Variants in NDUFV1 observed in about 807,000 individuals in gnomAD.
NDUFV1 encodes the protein NADH dehydrogenase [ubiquinone] flavoprotein 1, mitochondrial.
Under a neutral mutation model 48.7 loss-of-function variants are expected in NDUFV1, and 41 were observed. The ratio of observed to expected loss-of-function variants is 0.84; its 90% confidence interval spans 0.66 to 1.09. The LOEUF is 1.09. Among genes scored for constraint, NDUFV1 ranks in the 50% least tolerant of loss-of-function variants. The pLI is 0.00. For missense variants in NDUFV1, 580 were observed against 645.4 expected, an observed-to-expected ratio of 0.90 and a Z score of 1.10; for synonymous variants, 231 against 259.1, an observed-to-expected ratio of 0.89 and a Z score of 1.04.
rs1237891453 is a variant in NDUFV1 at position 67,611,112 on chromosome 11, C to T, written c.818C>T (p.Thr273Ile). Reference sequence around the variant, plus strand: ...TTTGGCAGAGAACGCAACTCAGGCACCAAACTATTCAACATCTCTGGCCAT... The same window carrying T: ...TTTGGCAGAGAACGCAACTCAGGCATCAAACTATTCAACATCTCTGGCCAT... ...AGFGRERNSG[T>I]KLFNISGHVN... The change falls in exon 6 of 10, where the codon ACC becomes ATC. Residue 273 changes from threonine (T) to isoleucine (I), a missense_variant. Coordinates refer to ENST00000322776, the MANE Select transcript of NDUFV1 (RefSeq NM_007103.4). The surrounding 1 kb of genome is among the most constrained non-coding windows in gnomAD (Gnocchi z 4.2). The T allele has an allele frequency of 1.9e-6, 3 of 1,614,230 alleles. No homozygotes were observed. The East Asian group carries it at 6.7e-5, about 36-fold the overall frequency.
chr11:67,612,287 A>G lies in NDUFV1; in HGVS notation c.1308+22A>G, dbSNP rs755304891. On this transcript the variant is annotated intron_variant, in intron 9 of 9. Coordinates refer to ENST00000322776, the MANE Select transcript of NDUFV1 (RefSeq NM_007103.4). This position sits in a 1 kb window ranked among gnomAD's most constrained non-coding sequence, Gnocchi z 4.4. ...GCAGGTATTCACCACCCTTCTGCGT[A>G]GCACGGAGGGTGGGTGGCATCAAGG... The G allele has an allele frequency of 8.7e-6, 14 of 1,613,914 alleles. No individual in the cohort carries two copies. In the East Asian group the frequency reaches 2.9e-4, roughly 33 times the overall value.
chr11:67,607,446 A>G (rs888217760), intron 1 of NDUFV1: 1 of 493,830 alleles, frequency 2.0e-6, no homozygotes, highest in Non-Finnish European at 4.0e-6. Context: ...TGCGCCCTGA[A>G]GTGGCTGAAA....
At position 67,609,557 on chromosome 11, in the gene NDUFV1, G is replaced by A. The variant is rs144087607; in HGVS notation, c.432G>A (p.Val144=). Reference sequence around the variant, plus strand: ...ACAAGCTGCTGGAAGGCTGCCTGGTGGGGGGCCGGGCCATGGGCGCCCGCG... The same window carrying A: ...ACAAGCTGCTGGAAGGCTGCCTGGTAGGGGGCCGGGCCATGGGCGCCCGCG... The part of the protein sequence containing the change: ...DPHKLLEGCL[V]GGRAMGARAA... The change falls in exon 4 of 10, where the codon GTG becomes GTA. Residue 144 remains valine, a synonymous_variant. Transcript: ENST00000322776. The A allele has an allele frequency of 4.7e-5, 75 of 1,612,824 alleles. No individual in the cohort carries two copies. In the African/African-American group the frequency reaches 8.0e-4, roughly 17 times the overall value.
intron 3 of NDUFV1, 36 bp from the exon 4 acceptor site, chr11:67,609,416 G>T: frequency 6.2e-7 from 1 of 1,608,994 alleles, no homozygotes; most frequent in Non-Finnish European, 8.5e-7. Context: ...CAGTCCTGAT[G>T]GCCCTGTAGC....
intron 1 of NDUFV1, 193 bp from the exon 2 acceptor site, chr11:67,608,203 G>A (rs1279526269): frequency 1.6e-6 from 1 of 615,496 alleles, no homozygotes; most frequent in African/African-American, 2.0e-5. Flanking sequence ...TCCAGCCTAG[G>A]CAAAAGAGCA....
In NDUFV1 at chr11:67,611,831, C is replaced by T. The variant is rs528656042; in HGVS notation, c.1081-66C>T. 1.9e-6 allele frequency: 3 copies of T among 1,582,462 alleles called. No individual in the cohort carries two copies. In the African/African-American group the frequency reaches 4.0e-5, roughly 21 times the overall value. The stretch of plus-strand genomic sequence containing the variant: ...TCTGGAACTGGGGGAGGGGCTGCTG[C>T]TAGGGGGCTGAGGCCCAGGCTTCTG... On this transcript the variant is annotated intron_variant, in intron 7 of 9. Coordinates refer to ENST00000322776, the MANE Select transcript of NDUFV1 (RefSeq NM_007103.4). The surrounding 1 kb of genome is among the most constrained non-coding windows in gnomAD (Gnocchi z 4.2).
intron 3 of NDUFV1, 113 bp from the exon 4 acceptor site, chr11:67,609,339 T>C: frequency 9.1e-7 from 1 of 1,096,458 alleles, no homozygotes; most frequent in East Asian, 2.4e-5. Context: ...CAGTAAAGGA[T>C]TGGCTGTCAG....
rs375166494 is a variant in NDUFV1, at chr11:67,611,206, T to C, written c.912T>C (p.Ala304=). ...TGAAAGAACTGATTGAGAAGCATGC[T>C]GGTAAGGCCTGGGGCCAGCCAGGTG... is the stretch of plus-strand genomic sequence containing the variant. The part of the protein sequence containing the change: ...VPLKELIEKH[A]GGVTGGWDNL... Residue 304 remains alanine (A), a splice_region_variant and synonymous_variant, in exon 6 of 10, where the codon GCT becomes GCC. Coordinates refer to ENST00000322776, the MANE Select transcript of NDUFV1 (RefSeq NM_007103.4). The surrounding 1 kb of genome is among the most constrained non-coding windows in gnomAD (Gnocchi z 4.2). 9.7e-5 allele frequency: 151 copies of C among 1,556,416 alleles called. 1 individual carries two copies. Among genetic ancestry groups the C allele is most frequent in the Non-Finnish European group, 1.3e-4 (143 of 1,143,392 alleles).
At chr11:67,610,945 A>G (rs1854901865) in intron 5 of NDUFV1, 50 bp from the exon 6 acceptor site, 1 of 1,583,504 alleles carries the variant, frequency 6.3e-7, no homozygotes, top group Non-Finnish European at 8.7e-7. Context: ...CTGCCAGGAA[A>G]CTTGCCCCAC....
chr11:67,608,304 C>T (rs1249601355), intron 1 of NDUFV1, 92 bp from the exon 2 acceptor site: 4 of 1,241,780 alleles, frequency 3.2e-6, no homozygotes, highest in African/African-American at 1.5e-5. Flanking sequence ...CCCAGCCCCT[C>T]CTAAATAGGG....
Position 67,611,169 on chromosome 11 carries a change from T to C in NDUFV1, c.875T>C (p.Met292Thr). 3 of 1,614,086 alleles carry C rather than the reference T, an allele frequency of 1.9e-6. No individual in the cohort carries two copies. Among genetic ancestry groups the C allele is most frequent in the Admixed American group, 1.7e-5 (1 of 60,030 alleles). ...VNHPCTVEEE[M>T]SVPLKELIEK... ...CACCCTTGCACTGTGGAGGAGGAGA[T>C]GTCTGTGCCCTTGAAAGAACTGATT... is the stretch of plus-strand genomic sequence containing the variant. The change falls in exon 6 of 10, where the codon ATG becomes ACG. Residue 292 changes from methionine to threonine, a missense_variant. Transcript: ENST00000322776. This position sits in a 1 kb window ranked among gnomAD's most constrained non-coding sequence, Gnocchi z 4.2.
At position 67,611,814 on chromosome 11, in the gene NDUFV1, T is replaced by C; in HGVS notation, c.1081-83T>C. On this transcript the variant is annotated intron_variant, in intron 7 of 9. Coordinates refer to ENST00000322776, the MANE Select transcript of NDUFV1 (RefSeq NM_007103.4). This position sits in a 1 kb window ranked among gnomAD's most constrained non-coding sequence, Gnocchi z 4.2. ...GTGGGCTGGGAAGAGCTTCTGGAAC[T>C]GGGGGAGGGGCTGCTGCTAGGGGGC... is the stretch of plus-strand genomic sequence containing the variant. 1.3e-6 allele frequency: 2 copies of C among 1,551,562 alleles called. No individual in the cohort carries two copies. Among genetic ancestry groups the C allele is most frequent in the Non-Finnish European group, 1.8e-6 (2 of 1,126,738 alleles).
intron 3 of NDUFV1, 101 bp from the exon 4 acceptor site, chr11:67,609,351 G>C: frequency 8.0e-7 from 1 of 1,251,610 alleles, no homozygotes. Flanking sequence ...GGCTGTCAGA[G>C]GAGACATCTT....
In NDUFV1 at chr11:67,609,647, G is replaced by A; in HGVS notation, c.510+12G>A. ...CCTCCAATCTGCAGGTGGGTAGGGA[G>A]AGATGTAGACAGATGAGAAGGTGTT... On this transcript the variant is annotated intron_variant, in intron 4 of 9. Transcript: ENST00000322776. 1 of 1,601,260 alleles carries A rather than the reference G, an allele frequency of 6.2e-7. No individual in the cohort carries two copies. Among genetic ancestry groups the A allele is most frequent in the Non-Finnish European group, 8.5e-7 (1 of 1,179,870 alleles).
chr11:67,611,577 T>C lies in NDUFV1; in HGVS notation c.1080+8T>C, dbSNP rs745927163. The C allele has an allele frequency of 6.3e-7, 1 of 1,598,650 alleles. No homozygotes were observed. The highest frequency in any genetic ancestry group is 8.5e-7 in the Non-Finnish European group (1 of 1,172,632). ...ATCGTCATGGACCGCTCGGTAAGGG[T>C]TCACACACCAGCCCTGGTCCCTGCC... On this transcript the variant is annotated splice_region_variant and intron_variant, in intron 7 of 9. Transcript: ENST00000322776. This position sits in a 1 kb window ranked among gnomAD's most constrained non-coding sequence, Gnocchi z 4.2.
At chr11:67,608,369 G>A (rs763246211) in intron 1 of NDUFV1, 27 bp from the exon 2 acceptor site, 2 of 1,599,832 alleles carry the variant, frequency 1.3e-6, no homozygotes, top group Non-Finnish European at 1.7e-6. Flanking sequence ...AGAGCACTCT[G>A]GGCCTCCTGA....
In NDUFV1 at chr11:67,611,150, T is replaced by C. The variant is rs1160694147; in HGVS notation, c.856T>C (p.Cys286Arg). 6.2e-7 allele frequency: 1 copy of C among 1,614,174 alleles called. No homozygotes were observed. Among genetic ancestry groups the C allele is most frequent in the African/African-American group, 1.3e-5 (1 of 75,040 alleles). ...CATCTCTGGCCATGTCAACCACCCTTGCACTGTGGAGGAGGAGATGTCTGT... is the reference window on the plus strand; with the variant it reads ...CATCTCTGGCCATGTCAACCACCCTCGCACTGTGGAGGAGGAGATGTCTGT... ...FNISGHVNHP[C>R]TVEEEMSVPL... Residue 286 changes from cysteine (C) to arginine (R), a missense_variant, in exon 6 of 10, where the codon TGC (cysteine) becomes CGC (arginine). By Grantham distance (180) the Cys-to-Arg change is radical. Coordinates refer to ENST00000322776, the MANE Select transcript of NDUFV1 (RefSeq NM_007103.4). The surrounding 1 kb of genome is among the most constrained non-coding windows in gnomAD (Gnocchi z 4.2).
At chr11:67,610,697 T>G in intron 5 of NDUFV1, 127 bp downstream of exon 5, 1 of 1,331,148 alleles carries the variant, frequency 7.5e-7, no homozygotes, top group Non-Finnish European at 1.0e-6. Context: ...GAGAGTAGGC[T>G]GGCAACAACA....
At chr11:67,607,385 G>A in intron 1 of NDUFV1, 1 of 580,324 alleles carries the variant, frequency 1.7e-6, no homozygotes, top group Admixed American at 2.2e-5. Flanking sequence ...GCGTGAAGGG[G>A]TCATTGCCCC....
Sources: allele counts gnomAD v4.1 joint callset, GRCh38; gene constraint gnomAD v4.1.1; non-coding constraint Gnocchi (gnomAD v3.1); transcripts MANE v1.5; gene names NCBI Gene and HGNC (gene_info 2026-07-23, HGNC 2026-07-21).